NCKAP5: variants seen among roughly 807,000 people sequenced by gnomAD.
NCKAP5 encodes the protein nck-associated protein 5.
In NCKAP5, 92 loss-of-function variants were observed where a neutral mutation model predicts 167.0. That is an observed-to-expected ratio of 0.55 (90% CI 0.47 to 0.66). The LOEUF is 0.66. Ranked by LOEUF, NCKAP5 falls within the 30% of genes least tolerant of loss-of-function variation. NCKAP5 has a pLI of 0.00. For synonymous variants in NCKAP5, 891 were observed against 877.4 expected (o/e 1.02, Z -0.27); for missense variants, 2,378 against 2,315.0 (o/e 1.03, Z -0.56).
At chr2:132,993,525 T>C (rs1456980295) in intron 7 of NCKAP5, among the ~76,000 whole-genome samples, 1 of 152,204 alleles carries the variant, frequency 6.6e-6, no homozygotes, top group African/African-American at 2.4e-5. Context: ...CCTTGTTGCC[T>C]GAGATGCAAG....
intron 5 of NCKAP5, among the ~76,000 whole-genome samples, chr2:133,203,494 CAA>C (rs2085799766): frequency 6.6e-6 from 1 of 151,940 alleles, no homozygotes; most frequent in African/African-American, 2.4e-5. Context: ...ACATATGTAA[CAA>C]ACCTGCACAT....
intron 3 of NCKAP5, among the ~76,000 whole-genome samples, chr2:133,350,360 C>G (rs537500826): frequency 5.1e-4 from 78 of 152,100 alleles, no homozygotes; most frequent in Non-Finnish European, 1.0e-3. Flanking sequence ...TTAAAGTAAG[C>G]TATGATGGTA....
chr2:133,465,869 T>A (rs1250756650), intron 3 of NCKAP5, among the ~76,000 whole-genome samples: 11 of 146,210 alleles, frequency 7.5e-5, no homozygotes, highest in African/African-American at 2.8e-4. Context: ...TGTTTTTTTC[T>A]TGTAAATTTG....
chr2:132,786,439 A>T (rs1322614446), intron 13 of NCKAP5, among the ~76,000 whole-genome samples: 7 of 152,214 alleles, frequency 4.6e-5, no homozygotes, highest in Non-Finnish European at 8.8e-5. Context: ...ACACTCATAC[A>T]TATACACATA....
intron 11 of NCKAP5, among the ~76,000 whole-genome samples, chr2:132,808,080 C>T (rs181284473): frequency 1.3e-5 from 2 of 152,174 alleles, no homozygotes; most frequent in African/African-American, 4.8e-5. Context: ...GTAGGTTAAA[C>T]CATCCCTGCA....
chr2:133,090,757 T>C (rs1180966342), intron 6 of NCKAP5, among the ~76,000 whole-genome samples: 1 of 150,966 alleles, frequency 6.6e-6, no homozygotes, highest in African/African-American at 2.5e-5. Flanking sequence ...GCCCTAAGAC[T>C]TCTACATTCT....
intron 2 of NCKAP5, among the ~76,000 whole-genome samples, chr2:133,524,462 G>T (rs1684709986): frequency 6.6e-6 from 1 of 152,118 alleles, no homozygotes; most frequent in African/African-American, 2.4e-5. Context: ...GTTGACTAAA[G>T]GTAGAAATAT....
At chr2:133,138,154 A>G (rs1180576718) in intron 5 of NCKAP5, among the ~76,000 whole-genome samples, 1 of 152,150 alleles carries the variant, frequency 6.6e-6, no homozygotes, top group Non-Finnish European at 1.5e-5. Context: ...CAAAGGCAAA[A>G]AGGAAAAAAA....
At chr2:133,212,436 C>T (rs1230371191) in intron 5 of NCKAP5, among the ~76,000 whole-genome samples, 2 of 152,134 alleles carry the variant, frequency 1.3e-5, no homozygotes, top group Admixed American at 6.5e-5. Context: ...GGCACAATCT[C>T]GGCTCGCTGC....
chr2:132,836,479 A>G (rs1687894659), intron 11 of NCKAP5, among the ~76,000 whole-genome samples: 1 of 151,110 alleles, frequency 6.6e-6, no homozygotes, highest in Non-Finnish European at 1.5e-5. Flanking sequence ...TTCCTTGAAA[A>G]CCTGTATGTT....
chr2:133,621,133 A>T, the NCKAP5 span, among the ~76,000 whole-genome samples: 1 of 151,968 alleles, frequency 6.6e-6, no homozygotes, highest in African/African-American at 2.4e-5. Flanking sequence ...GTGCTAGAAG[A>T]AAAGTTCCTA....
At chr2:133,587,660 C>G in the NCKAP5 span, among the ~76,000 whole-genome samples, 2 of 152,212 alleles carry the variant, frequency 1.3e-5, no homozygotes, top group Non-Finnish European at 1.5e-5. Context: ...AGTTCCTGCA[C>G]AATGAGGATG....
intron 3 of NCKAP5, among the ~76,000 whole-genome samples, chr2:133,401,587 G>C (rs1688100389): frequency 6.6e-6 from 1 of 152,122 alleles, no homozygotes; most frequent in Non-Finnish European, 1.5e-5. Flanking sequence ...AACTGGTCAT[G>C]GGTGTGTGAA....
chr2:133,544,904 T>C (rs1267715194), intron 2 of NCKAP5, among the ~76,000 whole-genome samples: 1 of 152,212 alleles, frequency 6.6e-6, no homozygotes, highest in African/African-American at 2.4e-5. Flanking sequence ...AAGTCTCTCC[T>C]GCCTATAGAA....
chr2:133,018,163 T>C (rs560827106), intron 6 of NCKAP5, among the ~76,000 whole-genome samples: 45 of 152,296 alleles, frequency 3.0e-4, no homozygotes, highest in African/African-American at 1.0e-3. Flanking sequence ...ATTCTGTCTA[T>C]ATCCCAACCC....
At chr2:133,066,375 C>A (rs2149533684) in intron 6 of NCKAP5, among the ~76,000 whole-genome samples, 1 of 152,280 alleles carries the variant, frequency 6.6e-6, no homozygotes, top group East Asian at 1.9e-4. Context: ...TCTTACAATT[C>A]TATAATTAAA....
intron 6 of NCKAP5, among the ~76,000 whole-genome samples, chr2:133,002,362 A>T (rs1269021961): frequency 1.3e-5 from 2 of 152,234 alleles, no homozygotes; most frequent in Non-Finnish European, 2.9e-5. Context: ...AACAATAACA[A>T]CTAATAATCA....
intron 6 of NCKAP5, among the ~76,000 whole-genome samples, chr2:133,016,756 A>T (rs1461048043): frequency 6.6e-6 from 1 of 152,180 alleles, no homozygotes; most frequent in African/African-American, 2.4e-5. Flanking sequence ...GGCCAATAGA[A>T]CAGAGCTAAT....
At chr2:133,251,565 T>C (rs916312470) in intron 4 of NCKAP5, among the ~76,000 whole-genome samples, 20 of 152,142 alleles carry the variant, frequency 1.3e-4, no homozygotes, top group African/African-American at 4.6e-4. Context: ...AAAAAAAGCA[T>C]ATAAAATCAT....
Sources: allele counts gnomAD v4.1 joint callset (sites outside exome capture counted in the v4.1 genomes callset), GRCh38; gene constraint gnomAD v4.1.1; transcripts MANE v1.5; gene names NCBI Gene and HGNC (gene_info 2026-07-23, HGNC 2026-07-21).